FOCAD: variants seen among roughly 807,000 people sequenced by gnomAD.
The protein encoded by FOCAD is focadhesin.
A neutral mutation model predicts 225.6 loss-of-function variants in FOCAD; 198 were observed. The ratio of observed to expected loss-of-function variants is 0.88; its 90% CI spans 0.78 to 0.99. The LOEUF is 0.99. Among genes scored for constraint, FOCAD ranks in the 50% least tolerant of loss-of-function variants. The pLI is 0.00. For synonymous variants in FOCAD, 897 were observed against 755.0 expected (o/e 1.19, Z -3.08); for missense variants, 2,713 against 2,123.6 (o/e 1.28, Z -5.46).
intron 1 of FOCAD, among the ~76,000 whole-genome samples, chr9:20,699,756 A>T (rs1823715374): frequency 2.2e-4 from 13 of 59,218 alleles, no homozygotes; most frequent in Middle Eastern, 0.01. Context: ...AAAAAAAAAA[A>T]AAAAAAAAAA....
At chr9:20,779,665 A>G (rs748123845) in intron 9 of FOCAD, among the ~76,000 whole-genome samples, 3 of 151,576 alleles carry the variant, frequency 2.0e-5, no homozygotes, top group Non-Finnish European at 4.4e-5. Flanking sequence ...CAGGATAATC[A>G]CCTGAACCCC....
intron 2 of FOCAD, among the ~76,000 whole-genome samples, chr9:20,669,772 C>G (rs1230270392): frequency 6.7e-6 from 1 of 150,288 alleles, no homozygotes; most frequent in Non-Finnish European, 1.5e-5. Flanking sequence ...AAGACTTCAT[C>G]TCAAAAAAAA....
chr9:20,866,663 C>T (rs1282658616), intron 17 of FOCAD, among the ~76,000 whole-genome samples: 1 of 151,868 alleles, frequency 6.6e-6, no homozygotes, highest in African/African-American at 2.4e-5. Context: ...GTTCTTACTT[C>T]CCTTCACAGA....
intron 25 of FOCAD, 21 bp downstream of exon 25, chr9:20,923,789 C>T: frequency 6.4e-7 from 1 of 1,573,996 alleles, no homozygotes; most frequent in East Asian, 2.2e-5. Flanking sequence ...GTGATTTAAA[C>T]AATTGGCTTT....
chr9:20,789,268 T>G, intron 10 of FOCAD, 83 bp from the exon 11 acceptor site: 2 of 1,469,890 alleles, frequency 1.4e-6, no homozygotes, highest in South Asian at 2.5e-5. Flanking sequence ...TATCTTACAA[T>G]GAAATATAAG....
intron 5 of FOCAD, among the ~76,000 whole-genome samples, chr9:20,742,646 C>G (rs1383723878): frequency 6.6e-6 from 1 of 152,204 alleles, no homozygotes; most frequent in Non-Finnish European, 1.5e-5. Context: ...AAGAAGTTTT[C>G]TATAATGCAG....
At chr9:20,662,601 T>C (rs907674979) in intron 2 of FOCAD, among the ~76,000 whole-genome samples, 2 of 152,176 alleles carry the variant, frequency 1.3e-5, no homozygotes, top group African/African-American at 4.8e-5. Context: ...GTTTGACAGA[T>C]ATTTATACCT....
rs745538560 is a variant in FOCAD at position 20,944,788 on chromosome 9, G to C, written c.3555+14G>C. The C allele has an allele frequency of 6.9e-6, 11 of 1,600,164 alleles. No individual in the cohort carries two copies. The East Asian group carries it at 1.6e-4, about 23-fold the overall frequency. ...ACGTTTCAGGAGGTAAGAGATGGAG[G>C]CTACATTTTTTTCCCCTCTGCTCTC... On this transcript the variant is annotated intron_variant, in intron 29 of 43. Coordinates refer to ENST00000338382, the MANE Select transcript of FOCAD (RefSeq NM_001375567.1).
chr9:20,849,115 C>G (rs554508434), intron 15 of FOCAD, among the ~76,000 whole-genome samples: 1 of 151,820 alleles, frequency 6.6e-6, no homozygotes, highest in Non-Finnish European at 1.5e-5. Flanking sequence ...AATGGCCAAG[C>G]CAATATACTT....
chr9:20,778,832 T>C (rs1177124971), intron 9 of FOCAD, 64 bp downstream of exon 9: 1 of 878,994 alleles, frequency 1.1e-6, no homozygotes, highest in Non-Finnish European at 1.9e-6. Context: ...CAGGATTCAC[T>C]TGAACTATGT....
intron 5 of FOCAD, among the ~76,000 whole-genome samples, chr9:20,752,498 G>A (rs1015431497): frequency 2.0e-5 from 3 of 152,118 alleles, no homozygotes; most frequent in Non-Finnish European, 4.4e-5. Flanking sequence ...TGAGAGCTCT[G>A]TTCTGTTCCA....
intron 15 of FOCAD, among the ~76,000 whole-genome samples, chr9:20,859,298 C>T (rs564107945): frequency 6.6e-6 from 1 of 151,614 alleles, no homozygotes; most frequent in Non-Finnish European, 1.5e-5. Flanking sequence ...AGGAGAATTG[C>T]TTGAACCTGG....
intron 5 of FOCAD, among the ~76,000 whole-genome samples, chr9:20,753,219 G>A (rs913193318): frequency 6.6e-6 from 1 of 151,296 alleles, no homozygotes; most frequent in Admixed American, 6.6e-5. Context: ...GGTGAGAGAG[G>A]GCATCCCTGT....
intron 11 of FOCAD, among the ~76,000 whole-genome samples, chr9:20,817,454 T>C (rs577036470): frequency 6.6e-6 from 1 of 152,204 alleles, no homozygotes; most frequent in Non-Finnish European, 1.5e-5. Context: ...CTTTTGTGGC[T>C]GTTTTTTTTC....
intron 21 of FOCAD, among the ~76,000 whole-genome samples, chr9:20,896,382 T>G (rs922237621): frequency 8.6e-5 from 13 of 151,900 alleles, no homozygotes; most frequent in Non-Finnish European, 1.2e-4. Flanking sequence ...ATATAATGAG[T>G]TAGGAAGTAT....
chr9:20,735,077 C>G (rs1827034961), intron 4 of FOCAD, among the ~76,000 whole-genome samples: 1 of 152,180 alleles, frequency 6.6e-6, no homozygotes, highest in African/African-American at 2.4e-5. Flanking sequence ...CTTCCCCCAC[C>G]TACTCTTTAA....
chr9:20,774,742 AG>A (rs1422281280), intron 8 of FOCAD, among the ~76,000 whole-genome samples: 2 of 152,164 alleles, frequency 1.3e-5, no homozygotes, highest in African/African-American at 4.8e-5. Context: ...TATAATGTAG[AG>A]TCACAGGATA....
At chr9:20,948,827 C>A in intron 31 of FOCAD, 24 bp from the exon 32 acceptor site, 2 of 1,611,848 alleles carry the variant, frequency 1.2e-6, no homozygotes, top group Non-Finnish European at 1.7e-6. Flanking sequence ...TCCCTCTTTT[C>A]ATATTCTGAT....
intron 11 of FOCAD, among the ~76,000 whole-genome samples, chr9:20,815,146 T>G (rs1235948308): frequency 7.9e-6 from 1 of 126,330 alleles, no homozygotes; most frequent in Non-Finnish European, 1.7e-5. Flanking sequence ...TGTTTTTTTT[T>G]TTTTTTTTGA....
Sources: gnomAD v4.1 joint callset for allele counts (sites outside exome capture counted in the v4.1 genomes callset) on GRCh38, gnomAD v4.1.1 for gene constraint, MANE v1.5 for transcripts, NCBI Gene and HGNC (gene_info 2026-07-23, HGNC 2026-07-21) for gene names.